The following LAMA2 variants were observed in gnomAD, a reference collection of about 807,000 sequenced individuals.
LAMA2 encodes laminin subunit alpha 2.
A neutral mutation model predicts 364.8 loss-of-function variants in LAMA2; 269 were observed. The ratio of observed to expected loss-of-function variants is 0.74; its 90% CI spans 0.67 to 0.82. The LOEUF is 0.82. LAMA2 is among the 40% of genes least tolerant of loss of function. The pLI is 0.00. For missense variants in LAMA2, 3,807 were observed against 3,873.2 expected, an observed-to-expected ratio of 0.98 and a Z score of 0.45; for synonymous variants, 1,379 against 1,370.6, an observed-to-expected ratio of 1.01 and a Z score of -0.14.
chr6:129,263,726 A>G (rs1320011182), intron 15 of LAMA2, among the ~76,000 whole-genome samples: 1 of 152,020 alleles, frequency 6.6e-6, no homozygotes, highest in Non-Finnish European at 1.5e-5. Context: ...TCTGATTTAC[A>G]TTTTTGGGTT....
chr6:129,088,742 C>T (rs1774589777), intron 3 of LAMA2, among the ~76,000 whole-genome samples: 1 of 152,004 alleles, frequency 6.6e-6, no homozygotes, highest in South Asian at 2.1e-4. Flanking sequence ...AGGGGCTCCT[C>T]ACTTCTCAGA....
chr6:129,215,396 C>T (rs1783361857), intron 12 of LAMA2, among the ~76,000 whole-genome samples: 1 of 152,116 alleles, frequency 6.6e-6, no homozygotes, highest in Admixed American at 6.6e-5. Flanking sequence ...TTCTGACTTC[C>T]ACTCCCCCAT....
rs185151902 is a variant in LAMA2, at chr6:129,059,780, A to G, written c.284-4A>G. On this transcript the variant is annotated splice_region_variant and splice_polypyrimidine_tract_variant and intron_variant, in intron 2 of 64. Coordinates refer to ENST00000421865, the MANE Select transcript of LAMA2 (RefSeq NM_000426.4). Reference sequence around the variant, plus strand: ...CCTTTCATATGATGCTGCTAACTCAATAGAGAGACACCCGATTACAAATGC... The same window carrying G: ...CCTTTCATATGATGCTGCTAACTCAGTAGAGAGACACCCGATTACAAATGC... 1.1e-5 allele frequency: 17 copies of G among 1,559,816 alleles called. No homozygotes were observed. The African/African-American group carries it at 1.8e-4, about 16-fold the overall frequency.
At chr6:129,250,555 T>G (rs1358961120) in intron 13 of LAMA2, among the ~76,000 whole-genome samples, 1 of 152,182 alleles carries the variant, frequency 6.6e-6, no homozygotes, top group African/African-American at 2.4e-5. Context: ...TGCTTCCAGA[T>G]AGATTTTATT....
chr6:129,125,517 T>A (rs1777060760), intron 4 of LAMA2, among the ~76,000 whole-genome samples: 1 of 152,194 alleles, frequency 6.6e-6, no homozygotes, highest in South Asian at 2.1e-4. Flanking sequence ...CACACAGTTT[T>A]GGACACAGAG....
At chr6:129,044,769 G>A (rs747738574) in intron 1 of LAMA2, among the ~76,000 whole-genome samples, 26 of 152,000 alleles carry the variant, frequency 1.7e-4, no homozygotes, top group Non-Finnish European at 3.5e-4. Flanking sequence ...ATGATCACTG[G>A]CTTTTATGTC....
intron 35 of LAMA2, among the ~76,000 whole-genome samples, chr6:129,385,876 C>T (rs1312363908): frequency 6.6e-6 from 1 of 152,050 alleles, no homozygotes; most frequent in African/African-American, 2.4e-5. Context: ...TGTTTTCAGT[C>T]TTAGTATGAA....
At chr6:129,320,478 T>G (rs1774897767) in intron 27 of LAMA2, 60 bp from the exon 28 acceptor site, 1 of 958,850 alleles carries the variant, frequency 1.0e-6, no homozygotes, top group South Asian at 1.3e-5. Context: ...GGATTGATTG[T>G]TTACTAGGTG....
intron 12 of LAMA2, among the ~76,000 whole-genome samples, chr6:129,233,059 G>C (rs1269576167): frequency 6.6e-6 from 1 of 152,078 alleles, no homozygotes; most frequent in African/African-American, 2.4e-5. Context: ...AATGAACAAG[G>C]AGATAGATTC....
At position 129,260,790 on chromosome 6, in the gene LAMA2, T is replaced by C. The variant is rs920771326; in HGVS notation, c.2176T>C (p.Cys726Arg). 7 of 1,611,106 alleles carry C rather than the reference T, an allele frequency of 4.3e-6. No homozygotes were observed. Among genetic ancestry groups the C allele is most frequent in the Non-Finnish European group, 5.9e-6 (7 of 1,177,518 alleles). ...TGCAGCAGCTGTAGAAGTGTGTCAG[T>C]GCCCACCAGGGTATACTGGCTCCTC... ...SIAAAVEVCQ[C>R]PPGYTGSSCE... The change falls in exon 15 of 65, where the codon TGC becomes CGC. Residue 726 changes from cysteine (C) to arginine (R), a missense_variant. This residue lies in a region of LAMA2 where 3,333 missense variants were observed against 3,345.7 expected (regional missense o/e 1.00). Transcript: ENST00000421865.
intron 41 of LAMA2, among the ~76,000 whole-genome samples, chr6:129,433,665 C>T (rs952081531): frequency 1.3e-5 from 2 of 152,034 alleles, no homozygotes; most frequent in African/African-American, 4.8e-5. Context: ...TTATAAAAAT[C>T]GTCCCGATAT....
chr6:128,954,417 G>A (rs1781017300), intron 1 of LAMA2, among the ~76,000 whole-genome samples: 1 of 151,906 alleles, frequency 6.6e-6, no homozygotes, highest in Non-Finnish European at 1.5e-5. Flanking sequence ...GAAATTGCAA[G>A]CTCTGGAAAT....
At position 129,429,959 on chromosome 6, in the gene LAMA2, A is replaced by G. The variant is rs11963257; in HGVS notation, c.5968+2105A>G. The stretch of plus-strand genomic sequence containing the variant: ...GAAGGGTTAGGAGACAGAAATGTTC[A>G]TTAGTTTAAATTTATTTTTTTTGTA... On this transcript the variant is annotated intron_variant, in intron 41 of 64. Transcript: ENST00000421865. Among the ~76,000 whole-genome samples, 913 of 152,354 alleles carry G rather than the reference A, an allele frequency of 6.0e-3. 8 individuals carry two copies. The highest frequency in any genetic ancestry group is 0.02 in the African/African-American group (814 of 41,586).
At chr6:129,027,171 T>C (rs1785882373) in intron 1 of LAMA2, among the ~76,000 whole-genome samples, 1 of 152,016 alleles carries the variant, frequency 6.6e-6, no homozygotes, top group African/African-American at 2.4e-5. Flanking sequence ...TTTAATCATG[T>C]GGAAGGCTCT....
At chr6:128,924,832 A>G (rs1386091850) in intron 1 of LAMA2, among the ~76,000 whole-genome samples, 1 of 152,348 alleles carries the variant, frequency 6.6e-6, no homozygotes, top group Non-Finnish European at 1.5e-5. Flanking sequence ...AGAGAAGAGA[A>G]TTATTTAACC....
At chr6:129,238,773 A>G (rs534177645) in intron 12 of LAMA2, among the ~76,000 whole-genome samples, 1 of 152,220 alleles carries the variant, frequency 6.6e-6, no homozygotes, top group Non-Finnish European at 1.5e-5. Context: ...AACCTACATT[A>G]TACAATTTCC....
At chr6:129,404,753 G>A (rs1780159314) in intron 40 of LAMA2, among the ~76,000 whole-genome samples, 1 of 152,072 alleles carries the variant, frequency 6.6e-6, no homozygotes, top group East Asian at 1.9e-4. Context: ...GGAGAAATCT[G>A]ATTGGACATT....
intron 20 of LAMA2, among the ~76,000 whole-genome samples, chr6:129,292,133 T>C (rs1789748073): frequency 6.6e-6 from 1 of 152,236 alleles, no homozygotes; most frequent in Middle Eastern, 3.4e-3. Context: ...GATCACGAGG[T>C]CAGGAGTTCA....
At chr6:129,089,190 A>G (rs775215354) in intron 3 of LAMA2, among the ~76,000 whole-genome samples, 51 of 152,268 alleles carry the variant, frequency 3.3e-4, no homozygotes, top group Non-Finnish European at 6.0e-4. Flanking sequence ...ATCTGTTGAA[A>G]GAATTCATGA....
Sources: allele counts gnomAD v4.1 joint callset (sites outside exome capture counted in the v4.1 genomes callset), GRCh38; gene constraint gnomAD v4.1.1; regional missense constraint gnomAD v4.1.1; transcripts MANE v1.5; gene names NCBI Gene and HGNC (gene_info 2026-07-23, HGNC 2026-07-21).